The following ASNS variants were observed in gnomAD, a reference collection of about 807,000 sequenced individuals.
ASNS encodes the protein asparagine synthetase (glutamine-hydrolyzing).
In ASNS, 37 loss-of-function variants were observed where a neutral mutation model predicts 62.6. That is an observed-to-expected ratio of 0.59 (90% CI 0.45 to 0.78). The LOEUF is 0.78. Ranked by LOEUF, ASNS falls within the 30% of genes least tolerant of loss-of-function variation. The pLI is 0.00. For synonymous variants in ASNS, 207 were observed against 237.9 expected, an observed-to-expected ratio of 0.87 and a Z score of 1.19; for missense variants, 520 against 682.4, an observed-to-expected ratio of 0.76 and a Z score of 2.65.
chr7:97,867,892 A>G (rs1792050649), intron 3 of ASNS, among the ~76,000 whole-genome samples: 1 of 152,236 alleles, frequency 6.6e-6, no homozygotes, highest in South Asian at 2.1e-4. Context: ...TTGTTCACAG[A>G]TAAAAATGTC....
intron 1 of ASNS, among the ~76,000 whole-genome samples, chr7:97,871,350 T>A (rs1485771940): frequency 6.6e-6 from 1 of 152,206 alleles, no homozygotes; most frequent in Non-Finnish European, 1.5e-5. Flanking sequence ...TCAGTGCATT[T>A]AATTTCTATT....
Position 97,872,350 on chromosome 7 carries a change from C to A in ASNS, c.-60+1G>T. 1 of 153,480 alleles carries A rather than the reference C, an allele frequency of 6.5e-6. No individual in the cohort carries two copies. Among genetic ancestry groups the A allele is most frequent in the Non-Finnish European group, 1.4e-5 (1 of 68,968 alleles). The allele number at this position is 153,480 out of a possible 1,614,324, so 9.5% of individuals were successfully genotyped here. A position where few individuals can be genotyped will look rare whatever the true frequency, so the allele number is the denominator to read the frequency against. On this transcript the variant is annotated splice_donor_variant, in intron 1 of 12. Coordinates refer to ENST00000394308, the MANE Select transcript of ASNS (RefSeq NM_001673.5). LOFTEE classifies it low-confidence loss of function (5UTR_SPLICE). ...GGCACGGGGCGCAGGACCCGGCTCACCTGGGCGTAAGCAGGTCAGGGTGAT... is the reference window on the plus strand; with the variant it reads ...GGCACGGGGCGCAGGACCCGGCTCAACTGGGCGTAAGCAGGTCAGGGTGAT...
At chr7:97,865,233 A>G (rs1019898482) in intron 3 of ASNS, among the ~76,000 whole-genome samples, 4 of 152,354 alleles carry the variant, frequency 2.6e-5, no homozygotes, top group African/African-American at 9.6e-5. Context: ...TAGTAGAATC[A>G]CCAGAATACC....
chr7:97,854,804 A>G lies in ASNS; in HGVS notation c.1138-124T>C, dbSNP rs1343786586. On this transcript the variant is annotated intron_variant, in intron 9 of 12. Coordinates refer to ENST00000394308, the MANE Select transcript of ASNS (RefSeq NM_001673.5). ...TAAACAAATTTAGGGAAGGGAGTAA[A>G]TAACTGAACAGAGGTAAGCAATGCT... The G allele has an allele frequency of 2.6e-6, 4 of 1,531,230 alleles. No individual in the cohort carries two copies. The Admixed American group carries it at 5.9e-5, about 23-fold the overall frequency. The allele number at this position is 1,531,230 out of a possible 1,614,324, so 94.9% of individuals were successfully genotyped here. A position where few individuals can be genotyped will look rare whatever the true frequency, so the allele number is the denominator to read the frequency against.
At chr7:97,924,119 G>A in the ASNS span, among the ~76,000 whole-genome samples, 2 of 151,956 alleles carry the variant, frequency 1.3e-5, no homozygotes, top group African/African-American at 4.8e-5. Flanking sequence ...TAAAGCCCAG[G>A]GCAACACAGC....
chr7:97,853,385 G>A lies in ASNS; in HGVS notation c.1240C>T (p.Leu414Phe). Residue 414 changes from leucine (L) to phenylalanine (F), a missense_variant and splice_region_variant, in exon 11 of 13, where the codon CTT becomes TTT. Coordinates refer to ENST00000394308, the MANE Select transcript of ASNS (RefSeq NM_001673.5). ...TCTAGAAATGGGACTCTCAGTTCAAGACTTAAAGGAGAAAAGAAGAAAATC... is the reference window on the plus strand; with the variant it reads ...TCTAGAAATGGGACTCTCAGTTCAAAACTTAAAGGAGAAAAGAAGAAAATC... ...RADRTTAAHG[L>F]ELRVPFLDHR... 6.2e-7 allele frequency: 1 copy of A among 1,610,850 alleles called. No homozygotes were observed. The highest frequency in any genetic ancestry group is 8.5e-7 in the Non-Finnish European group (1 of 1,179,100).
the ASNS span, among the ~76,000 whole-genome samples, chr7:97,895,922 G>A: frequency 7.3e-5 from 11 of 150,998 alleles, no homozygotes; most frequent in Admixed American, 6.6e-4. Flanking sequence ...AGAAATCAAG[G>A]AAGAAATTCT....
At chr7:97,887,214 C>T in the ASNS span, among the ~76,000 whole-genome samples, 1,205 of 152,288 alleles carry the variant, frequency 7.9e-3, 17 homozygotes, top group Middle Eastern at 0.031. Flanking sequence ...AATGTGGAGT[C>T]GGCCGTGCAC....
chr7:97,881,310 C>T, the ASNS span, among the ~76,000 whole-genome samples: 1 of 152,036 alleles, frequency 6.6e-6, no homozygotes, highest in Non-Finnish European at 1.5e-5. Context: ...ACTTCAGTAT[C>T]ATTAAATACA....
At chr7:97,916,602 A>G in the ASNS span, among the ~76,000 whole-genome samples, 1 of 152,148 alleles carries the variant, frequency 6.6e-6, no homozygotes, top group Non-Finnish European at 1.5e-5. Context: ...GAACAAGCCT[A>G]TGGTGGAAAT....
rs760082466 is a variant in ASNS at position 97,864,339 on chromosome 7, C to T, written c.407G>A (p.Gly136Asp). 6.2e-7 allele frequency: 1 copy of T among 1,613,788 alleles called. No individual in the cohort carries two copies. Among genetic ancestry groups the T allele is most frequent in the East Asian group, 2.2e-5 (1 of 44,820 alleles). The change falls in exon 4 of 13, where the codon GGT becomes GAT. Residue 136 changes from glycine to aspartate, a missense_variant. Physicochemically the swap from Gly to Asp is moderately conservative, Grantham distance 94. Transcript: ENST00000394308. ...AGGTCTGACTCCATATGTATCTCTA[C>T]CCAGGAACACTTTCTTATTGGCAGT... ...LDTANKKVFLGRDTYGVRPLF... is the reference protein window; with the variant it reads ...LDTANKKVFLDRDTYGVRPLF...
chr7:97,861,079 TTGCGCGATCTC>T (rs1312913916), intron 4 of ASNS, among the ~76,000 whole-genome samples: 1 of 144,814 alleles, frequency 6.9e-6, no homozygotes, highest in African/African-American at 2.6e-5. Flanking sequence ...TGGAGTGCAG[TTGCGCGATCTC>T]GGCTTACCGC....
At chr7:97,904,537 A>G in the ASNS span, among the ~76,000 whole-genome samples, 1 of 152,122 alleles carries the variant, frequency 6.6e-6, no homozygotes, top group Non-Finnish European at 1.5e-5. Flanking sequence ...AGCAGGGAAC[A>G]GAGGGAGAAG....
At chr7:97,893,074 G>A in the ASNS span, among the ~76,000 whole-genome samples, 2 of 152,256 alleles carry the variant, frequency 1.3e-5, no homozygotes, top group African/African-American at 4.8e-5. Flanking sequence ...TTGCTGGGGA[G>A]GCTTCAAAAT....
At chr7:97,906,865 A>G in the ASNS span, 1 of 152,074 alleles carries the variant, frequency 6.6e-6, no homozygotes, top group African/African-American at 2.4e-5. Flanking sequence ...TCAGGAGAAG[A>G]TTGATATCCC....
chr7:97,894,920 G>A, the ASNS span, among the ~76,000 whole-genome samples: 1 of 152,124 alleles, frequency 6.6e-6, no homozygotes, highest in African/African-American at 2.4e-5. Context: ...CGCAACAAAA[G>A]GAGAAAACTA....
the ASNS span, among the ~76,000 whole-genome samples, chr7:97,896,741 C>CATATTTATATAT: frequency 5.1e-5 from 1 of 19,768 alleles, no homozygotes; most frequent in Non-Finnish European, 1.3e-4. Flanking sequence ...CACACACACA[C>CATATTTATATAT]ATATATATAT....
chr7:97,890,048 A>G, the ASNS span, among the ~76,000 whole-genome samples: 15 of 151,982 alleles, frequency 9.9e-5, no homozygotes, highest in African/African-American at 3.6e-4. Flanking sequence ...AGAATAAATC[A>G]TTGAAATAAA....
chr7:97,869,725 T>C (rs1274356804), intron 2 of ASNS, 53 bp downstream of exon 2: 1 of 153,204 alleles, frequency 6.5e-6, no homozygotes, highest in Admixed American at 6.5e-5. Context: ...CTGCTGTAAG[T>C]GTAAAAGATA....
Sources: gnomAD v4.1 joint callset for allele counts (sites outside exome capture counted in the v4.1 genomes callset) on GRCh38, gnomAD v4.1.1 for gene constraint, MANE v1.5 for transcripts, NCBI Gene and HGNC (gene_info 2026-07-23, HGNC 2026-07-21) for gene names.